Variants in PKNOX2 observed in about 807,000 individuals in gnomAD.
PKNOX2 encodes the protein PBX/knotted 1 homeobox 2, also known as homeobox protein PKNOX2.
A neutral mutation model predicts 53.1 loss-of-function variants in PKNOX2; 14 were observed. The ratio of observed to expected loss-of-function variants is 0.26; its 90% CI spans 0.17 to 0.41. The LOEUF is 0.41. PKNOX2 is among the 10% of genes least tolerant of loss of function. The pLI, the probability that PKNOX2 is intolerant of heterozygous loss-of-function variation, is 1.00. For synonymous variants in PKNOX2, 257 were observed against 242.8 expected, an observed-to-expected ratio of 1.06 and a Z score of -0.54; for missense variants, 496 against 602.8, an observed-to-expected ratio of 0.82 and a Z score of 1.85.
intron 5 of PKNOX2, among the ~76,000 whole-genome samples, chr11:125,371,670 G>GCGAA (rs911893840): frequency 1.3e-5 from 2 of 152,178 alleles, no homozygotes; most frequent in Non-Finnish European, 2.9e-5. Flanking sequence ...GGTTGGCTTT[G>GCGAA]CGAAGACTGC....
intron 1 of PKNOX2, among the ~76,000 whole-genome samples, chr11:125,183,868 G>A (rs1049218490): frequency 3.3e-5 from 5 of 152,132 alleles, no homozygotes; most frequent in East Asian, 1.9e-4. Flanking sequence ...GTCAGGGAAC[G>A]GTTACACCCA....
At position 125,228,539 on chromosome 11, in the gene PKNOX2, G is replaced by A. The variant is rs150881482; in HGVS notation, c.-200-6506G>A. 5.3e-5 allele frequency among the ~76,000 whole-genome samples: 8 copies of A among 152,318 alleles called. No homozygotes were observed. In the East Asian group the frequency reaches 1.3e-3, roughly 26 times the overall value. On this transcript the variant is annotated intron_variant, in intron 1 of 12. Transcript: ENST00000298282. Reference sequence around the variant, plus strand: ...CACTGGCTGTCCCGGAGTCACCTGGGGGAGGGAGGGAAGGTGTTGCTGTAT... The same window carrying A: ...CACTGGCTGTCCCGGAGTCACCTGGAGGAGGGAGGGAAGGTGTTGCTGTAT...
intron 1 of PKNOX2, among the ~76,000 whole-genome samples, chr11:125,227,300 C>T (rs1026908656): frequency 1.3e-5 from 2 of 152,114 alleles, no homozygotes; most frequent in African/African-American, 4.8e-5. Flanking sequence ...GTGCAACCAT[C>T]ACTGCCATCC....
At chr11:125,276,510 TC>T (rs766111776) in intron 2 of PKNOX2, among the ~76,000 whole-genome samples, 2 of 152,254 alleles carry the variant, frequency 1.3e-5, no homozygotes, top group Non-Finnish European at 2.9e-5. Context: ...GAGCCAGGAC[TC>T]TTTTTCTATG....
rs1188562947 is a variant in PKNOX2, at chr11:125,413,188, T to C, written c.936+1323T>C. Among the ~76,000 whole-genome samples, 4 of 152,184 alleles carry C rather than the reference T, an allele frequency of 2.6e-5. No individual in the cohort carries two copies. In the East Asian group the frequency reaches 7.7e-4, roughly 29 times the overall value. On this transcript the variant is annotated intron_variant, in intron 10 of 12. Transcript: ENST00000298282. Reference sequence around the variant, plus strand: ...TACAGTTTCCAGATGAGAAAGCTAATTTGGAGAGGAGGGGCTGGAATGCTG... The same window carrying C: ...TACAGTTTCCAGATGAGAAAGCTAACTTGGAGAGGAGGGGCTGGAATGCTG...
chr11:125,188,657 G>A (rs1010522831), intron 1 of PKNOX2, among the ~76,000 whole-genome samples: 1 of 152,104 alleles, frequency 6.6e-6, no homozygotes, highest in East Asian at 1.9e-4. Context: ...GCAAACCCCC[G>A]TGCTGTTAAC....
In PKNOX2 at chr11:125,352,860, A is replaced by G. The variant is rs778576704; in HGVS notation, c.87+1468A>G. On this transcript the variant is annotated intron_variant, in intron 4 of 12. Transcript: ENST00000298282. This position sits in a 1 kb window ranked among gnomAD's most constrained non-coding sequence, Gnocchi z 4.1. ...CCACAGGGTTGAACTTGGCCTTTAC[A>G]TGGCTCTTGTATTTGAAAGCTTCCA... is the stretch of plus-strand genomic sequence containing the variant. 3.3e-5 allele frequency among the ~76,000 whole-genome samples: 5 copies of G among 152,138 alleles called. No homozygotes were observed. The highest frequency in any genetic ancestry group is 7.3e-5 in the Non-Finnish European group (5 of 68,030).
At chr11:125,324,445 C>T (rs1949717447) in intron 2 of PKNOX2, among the ~76,000 whole-genome samples, 1 of 152,172 alleles carries the variant, frequency 6.6e-6, no homozygotes, top group Non-Finnish European at 1.5e-5. Context: ...AGCAAATATG[C>T]TGAACACCTT....
At chr11:125,207,311 A>G (rs1939251747) in intron 1 of PKNOX2, among the ~76,000 whole-genome samples, 1 of 151,584 alleles carries the variant, frequency 6.6e-6, no homozygotes, top group Non-Finnish European at 1.5e-5. Flanking sequence ...TCTATGGAAC[A>G]TATAGCTGGA....
Position 125,388,096 on chromosome 11 carries a change from C to T in PKNOX2, c.399+2374C>T, listed in dbSNP as rs556374166. Among the ~76,000 whole-genome samples the T allele has an allele frequency of 2.6e-5, 4 of 152,104 alleles. No individual in the cohort carries two copies. In the South Asian group the frequency reaches 6.2e-4, roughly 24 times the overall value. On this transcript the variant is annotated intron_variant, in intron 6 of 12. Coordinates refer to ENST00000298282, the MANE Select transcript of PKNOX2 (RefSeq NM_001382323.2). The stretch of plus-strand genomic sequence containing the variant: ...TTCATATCCTGGCCACCAAAGAGAC[C>T]GTGCGGCCGGGACCATGAAACTTGA...
In PKNOX2 at chr11:125,337,500, C is replaced by A. The variant is rs75620285; in HGVS notation, c.-23+5575C>A. On this transcript the variant is annotated intron_variant, in intron 3 of 12. Transcript: ENST00000298282. ...ACCTTTTTCTCCTAGAACTTGCTGA[C>A]ATGGCTGCACCATCTCCTTGTTTCC... 8.8e-4 allele frequency among the ~76,000 whole-genome samples: 134 copies of A among 152,318 alleles called. 1 individual carries two copies. The highest frequency in any genetic ancestry group is 1.7e-3 in the Non-Finnish European group (118 of 68,028).
At chr11:125,255,559 G>T (rs1272219191) in intron 2 of PKNOX2, among the ~76,000 whole-genome samples, 2 of 152,184 alleles carry the variant, frequency 1.3e-5, no homozygotes, top group East Asian at 3.8e-4. Context: ...CACCAACAAG[G>T]CCCCAGCCCT....
chr11:125,244,803 G>A (rs1943433133), intron 2 of PKNOX2, among the ~76,000 whole-genome samples: 1 of 152,200 alleles, frequency 6.6e-6, no homozygotes, highest in Non-Finnish European at 1.5e-5. Context: ...AGGCTAGGTT[G>A]GGGTGAGCAT....
At chr11:125,279,255 TG>T (rs1482337261) in intron 2 of PKNOX2, among the ~76,000 whole-genome samples, 2 of 152,174 alleles carry the variant, frequency 1.3e-5, no homozygotes, top group Non-Finnish European at 2.9e-5. Flanking sequence ...CTCTCAGAAC[TG>T]GGCCGTGGTA....
chr11:125,355,290 A>AAAAG (rs1270158361), intron 4 of PKNOX2, among the ~76,000 whole-genome samples: 8 of 136,460 alleles, frequency 5.9e-5, no homozygotes, highest in African/African-American at 2.0e-4. Context: ...AAAAAAAAAA[A>AAAAG]AAAGAAAGAA....
At position 125,410,796 on chromosome 11, in the gene PKNOX2, C is replaced by A; in HGVS notation, c.736C>A (p.Pro246Thr). Residue 246 changes from proline (P) to threonine (T), a missense_variant, in exon 9 of 13, where the codon CCG (proline) becomes ACG (threonine). By Grantham distance (38) the Pro-to-Thr change is conservative (BLOSUM62 -1). Transcript: ENST00000298282. ...QVVSGGALYQ[P>T]VTMVTSQGQV... ...CTCCTCAGGTGGAGCCTTATACCAA[C>A]CGGTTACCATGGTAACCTCCCAGGG... The A allele has an allele frequency of 6.2e-7, 1 of 1,614,036 alleles. No homozygotes were observed. The highest frequency in any genetic ancestry group is 8.5e-7 in the Non-Finnish European group (1 of 1,179,942).
intron 2 of PKNOX2, among the ~76,000 whole-genome samples, chr11:125,323,855 TTGTG>T (rs57415781): frequency 1.6e-4 from 24 of 149,872 alleles, no homozygotes; most frequent in Middle Eastern, 7.0e-3. Context: ...GTTTCTGGGG[TTGTG>T]TGTGTGTGTG....
intron 1 of PKNOX2, among the ~76,000 whole-genome samples, chr11:125,195,508 G>A (rs1006255869): frequency 6.6e-6 from 1 of 152,086 alleles, no homozygotes; most frequent in African/African-American, 2.4e-5. Flanking sequence ...GACGGTCGAG[G>A]GTCCTGGTTT....
Position 125,365,806 on chromosome 11 carries a change from G to C in PKNOX2, c.88-2040G>C, listed in dbSNP as rs149114188. On this transcript the variant is annotated intron_variant, in intron 4 of 12. Coordinates refer to ENST00000298282, the MANE Select transcript of PKNOX2 (RefSeq NM_001382323.2). Reference sequence around the variant, plus strand: ...GCCAGGCTCTCATGGAAAATACCTTGCTGAGGTCACTTACACCATGTTTTC... The same window carrying C: ...GCCAGGCTCTCATGGAAAATACCTTCCTGAGGTCACTTACACCATGTTTTC... Among the ~76,000 whole-genome samples, 165 of 152,280 alleles carry C rather than the reference G, an allele frequency of 1.1e-3. 3 individuals are homozygous for C. The East Asian group carries it at 0.028, about 26-fold the overall frequency.
Sources: allele counts gnomAD v4.1 joint callset (sites outside exome capture counted in the v4.1 genomes callset), GRCh38; gene constraint gnomAD v4.1.1; non-coding constraint Gnocchi (gnomAD v3.1); transcripts MANE v1.5; gene names NCBI Gene and HGNC (gene_info 2026-07-23, HGNC 2026-07-21).